FAM78B: variants seen among roughly 807,000 people sequenced by gnomAD.
FAM78B encodes family with sequence similarity 78 member B, also known as protein FAM78B.
In FAM78B, 10 loss-of-function variants were observed where a neutral mutation model predicts 20.0. The observed-to-expected ratio is 0.50, with a 90% CI of 0.31 to 0.85. The LOEUF (loss-of-function observed/expected upper bound fraction) is 0.85, where lower values mean the gene tolerates loss of function less well. FAM78B is among the 40% of genes least tolerant of loss of function. FAM78B has a pLI of 0.05. For missense variants in FAM78B, 283 were observed against 345.0 expected (o/e 0.82, Z 1.42); for synonymous variants, 135 against 132.8 (o/e 1.02, Z -0.12).
chr1:166,160,971 T>G (rs1284489783), intron 1 of FAM78B, among the ~76,000 whole-genome samples: 1 of 152,118 alleles, frequency 6.6e-6, no homozygotes, highest in Non-Finnish European at 1.5e-5. Flanking sequence ...TCAGAGGAGA[T>G]AGCGGCTGAG....
At chr1:166,115,440 G>A (rs1372415597) in intron 1 of FAM78B, among the ~76,000 whole-genome samples, 1 of 152,228 alleles carries the variant, frequency 6.6e-6, no homozygotes, top group South Asian at 2.1e-4. Flanking sequence ...TTGTGCATCT[G>A]AGCTCCACTT....
Position 166,096,080 on chromosome 1 carries a change from G to A in FAM78B, c.264-25317C>T, listed in dbSNP as rs1044822299. ...AAATAAAAAAGATCATCTAAGCAACGTAACCATAGGTTTTTAGCTTAAGAT... is the reference window on the plus strand; with the variant it reads ...AAATAAAAAAGATCATCTAAGCAACATAACCATAGGTTTTTAGCTTAAGAT... On this transcript the variant is annotated intron_variant, in intron 1 of 1. Transcript: ENST00000354422. Among the ~76,000 whole-genome samples, 3 of 152,144 alleles carry A rather than the reference G, an allele frequency of 2.0e-5. No homozygotes were observed. In the East Asian group the frequency reaches 5.8e-4, roughly 29 times the overall value.
intron 1 of FAM78B, among the ~76,000 whole-genome samples, chr1:166,113,718 T>C (rs888681049): frequency 1.3e-5 from 2 of 152,192 alleles, no homozygotes; most frequent in African/African-American, 4.8e-5. Flanking sequence ...CTTAAGTATT[T>C]TGCCTTAAGC....
intron 1 of FAM78B, among the ~76,000 whole-genome samples, chr1:166,117,214 T>C (rs1185967068): frequency 6.6e-6 from 1 of 152,182 alleles, no homozygotes; most frequent in East Asian, 1.9e-4. Flanking sequence ...TGAATTCCAG[T>C]AGAATTCAAG....
chr1:166,118,685 T>G (rs1654352919), intron 1 of FAM78B, among the ~76,000 whole-genome samples: 1 of 152,160 alleles, frequency 6.6e-6, no homozygotes, highest in African/African-American at 2.4e-5. Context: ...AGATACTTAT[T>G]CTCTGGCCCT....
At chr1:166,063,970 C>T (rs1651706927) in intron 2 of FAM78B, among the ~76,000 whole-genome samples, 1 of 152,220 alleles carries the variant, frequency 6.6e-6, no homozygotes, top group Non-Finnish European at 1.5e-5. Flanking sequence ...GGCCTGGCTT[C>T]ACATTTGTCC....
chr1:166,117,414 T>C (rs1461408780), intron 1 of FAM78B, among the ~76,000 whole-genome samples: 4 of 152,116 alleles, frequency 2.6e-5, no homozygotes, highest in African/African-American at 9.7e-5. Flanking sequence ...GTGAGGCACA[T>C]TTTCCTTTCT....
chr1:166,137,689 G>C (rs1655118932), intron 1 of FAM78B, among the ~76,000 whole-genome samples: 2 of 152,140 alleles, frequency 1.3e-5, no homozygotes, highest in Non-Finnish European at 1.5e-5. Flanking sequence ...CCAGAACTTT[G>C]AGTTCTGAGG....
At chr1:166,080,733 T>G (rs1034300059) in intron 1 of FAM78B, among the ~76,000 whole-genome samples, 1 of 152,240 alleles carries the variant, frequency 6.6e-6, no homozygotes, top group African/African-American at 2.4e-5. Flanking sequence ...AGCAATGTGC[T>G]CCCAGTCACG....
intron 1 of FAM78B, among the ~76,000 whole-genome samples, chr1:166,143,935 G>A (rs1655367576): frequency 6.6e-6 from 1 of 152,112 alleles, no homozygotes; most frequent in Non-Finnish European, 1.5e-5. Context: ...GGGAGGGAAT[G>A]TCCCTCCTCC....
rs374157991 is a variant in FAM78B at position 166,084,205 on chromosome 1, C to CCACACACACACA, written c.264-13454_264-13443dup. On this transcript the variant is annotated intron_variant, in intron 1 of 1. Transcript: ENST00000354422. ...GTGGATAACACAGAGGATGTAGAAA[C>CCACACACACACA]CACACACACACACACACACACACAC... is the stretch of plus-strand genomic sequence containing the variant. 4.8e-3 allele frequency among the ~76,000 whole-genome samples: 584 copies of CCACACACACACA among 121,126 alleles called. 2 individuals carry two copies. The highest frequency in any genetic ancestry group is 6.3e-3 in the African/African-American group (197 of 31,404). The allele number at this position is 121,126 out of a possible 152,430, so 79.5% of individuals were successfully genotyped here. A position where few individuals can be genotyped will look rare whatever the true frequency, so the allele number is the denominator to read the frequency against.
At chr1:166,107,298 C>A (rs1390606080) in intron 1 of FAM78B, among the ~76,000 whole-genome samples, 3 of 151,970 alleles carry the variant, frequency 2.0e-5, no homozygotes, top group African/African-American at 4.8e-5. Context: ...AATAACCTCA[C>A]TAAGAAACAA....
At chr1:166,108,841 C>T (rs1653889255) in intron 1 of FAM78B, among the ~76,000 whole-genome samples, 1 of 152,112 alleles carries the variant, frequency 6.6e-6, no homozygotes, top group Non-Finnish European at 1.5e-5. Flanking sequence ...AAATAGAGAA[C>T]CCAGAAATAA....
intron 1 of FAM78B, among the ~76,000 whole-genome samples, chr1:166,076,064 C>T (rs1006015328): frequency 6.6e-6 from 1 of 152,206 alleles, no homozygotes; most frequent in Non-Finnish European, 1.5e-5. Flanking sequence ...TAGATTACTG[C>T]AGTGGCCTTC....
rs1286215801 is a variant in FAM78B at position 166,166,315 on chromosome 1, C to A, written c.-67G>T. 2 of 1,113,766 alleles carry A rather than the reference C, an allele frequency of 1.8e-6. No individual in the cohort carries two copies. Among genetic ancestry groups the A allele is most frequent in the African/African-American group, 3.3e-5 (2 of 60,374 alleles). The allele number at this position is 1,113,766 out of a possible 1,614,324, so 69.0% of individuals were successfully genotyped here. ...GGGGGCCCGCGCGGGCAGCCGGGGG[C>A]GCCCGTCACGCCGGCATGGCGACGC... On this transcript the variant is annotated 5_prime_UTR_variant, in exon 1 of 2. Coordinates refer to ENST00000354422, the MANE Select transcript of FAM78B (RefSeq NM_001017961.5).
chr1:166,132,902 C>A lies in FAM78B; in HGVS notation c.263+33084G>T, dbSNP rs141437971. 8.7e-4 allele frequency among the ~76,000 whole-genome samples: 132 copies of A among 152,208 alleles called. 2 individuals are homozygous for A. The highest frequency in any genetic ancestry group is 3.0e-3 in the African/African-American group (124 of 41,516). ...GTATCTGCTGGTTTCTCAAGATGAA[C>A]CATGATTAAAATGATAAGGGCAGTT... On this transcript the variant is annotated intron_variant, in intron 1 of 1. Transcript: ENST00000354422.
intron 1 of FAM78B, among the ~76,000 whole-genome samples, chr1:166,104,352 A>G (rs772719233): frequency 2.0e-5 from 3 of 152,198 alleles, no homozygotes; most frequent in Non-Finnish European, 4.4e-5. Context: ...AGTTCTGGCC[A>G]GGGCAATCAG....
At chr1:166,133,274 A>T (rs1218755827) in intron 1 of FAM78B, among the ~76,000 whole-genome samples, 1 of 152,178 alleles carries the variant, frequency 6.6e-6, no homozygotes, top group East Asian at 1.9e-4. Flanking sequence ...GAAACTCCTC[A>T]CAAGGTCCAC....
intron 1 of FAM78B, among the ~76,000 whole-genome samples, chr1:166,113,740 G>C (rs1403113106): frequency 6.6e-6 from 1 of 152,220 alleles, no homozygotes; most frequent in East Asian, 1.9e-4. Context: ...GCCCTGGGCA[G>C]CAATGAAAGG....
Sources: allele counts gnomAD v4.1 joint callset (sites outside exome capture counted in the v4.1 genomes callset), GRCh38; gene constraint gnomAD v4.1.1; transcripts MANE v1.5; gene names NCBI Gene and HGNC (gene_info 2026-07-23, HGNC 2026-07-21).